Variants in FAM107B observed in about 807,000 individuals in gnomAD.
FAM107B encodes the protein protein FAM107B.
FAM107B carries 21 observed loss-of-function variants against 31.5 expected under a neutral mutation model. That is an observed-to-expected ratio of 0.67 (90% CI 0.47 to 0.96). FAM107B has a LOEUF of 0.96. Ranked by LOEUF, FAM107B falls within the 40% of genes least tolerant of loss-of-function variation. The pLI, the probability that FAM107B is intolerant of heterozygous loss-of-function variation, is 0.00. For synonymous variants in FAM107B, 157 were observed against 141.5 expected, an observed-to-expected ratio of 1.11 and a Z score of -0.78; for missense variants, 452 against 377.1, an observed-to-expected ratio of 1.20 and a Z score of -1.64.
At chr10:14,607,794 A>G (rs1852630721) in intron 2 of FAM107B, among the ~76,000 whole-genome samples, 1 of 152,212 alleles carries the variant, frequency 6.6e-6, no homozygotes, top group Non-Finnish European at 1.5e-5. Flanking sequence ...CCCTTACATT[A>G]CAAAGGGAAC....
chr10:14,618,657 C>T (rs1033963000), intron 2 of FAM107B, among the ~76,000 whole-genome samples: 3 of 151,810 alleles, frequency 2.0e-5, no homozygotes, highest in South Asian at 2.1e-4. Context: ...GCCAACATAG[C>T]GAAATCCCGT....
intron 2 of FAM107B, chr10:14,572,274 T>C (rs986857644): frequency 6.1e-6 from 6 of 985,302 alleles, no homozygotes; most frequent in African/African-American, 5.2e-5. Context: ...GAAATGTACT[T>C]GTCTGTACAA....
At chr10:14,589,923 A>C (rs1851961766) in intron 2 of FAM107B, among the ~76,000 whole-genome samples, 2 of 152,206 alleles carry the variant, frequency 1.3e-5, no homozygotes, top group African/African-American at 4.8e-5. Context: ...ATGCCTCAAC[A>C]TCCTCCTCAG....
chr10:14,737,800 C>CTCTCTCTCTCTCTCTCTCTCTCAAT, intron 1 of FAM107B, among the ~76,000 whole-genome samples: 1 of 149,100 alleles, frequency 6.7e-6, no homozygotes, highest in South Asian at 2.1e-4. Flanking sequence ...CTCTCTCTCT[C>CTCTCTCTCTCTCTCTCTCTCTCAAT]CTTCGTTGGC....
chr10:14,744,132 T>C (rs981721874), intron 1 of FAM107B, among the ~76,000 whole-genome samples: 2 of 152,208 alleles, frequency 1.3e-5, no homozygotes, highest in Non-Finnish European at 2.9e-5. Flanking sequence ...AGTTCATTCA[T>C]GATTTGGCTC....
chr10:14,770,519 C>A (rs1016230638), intron 1 of FAM107B, among the ~76,000 whole-genome samples: 9 of 151,696 alleles, frequency 5.9e-5, no homozygotes, highest in African/African-American at 1.9e-4. Flanking sequence ...CAAGACTCTG[C>A]CTCAAAAAAA....
chr10:14,657,645 A>G (rs1854099002), intron 2 of FAM107B, among the ~76,000 whole-genome samples: 1 of 152,120 alleles, frequency 6.6e-6, no homozygotes, highest in African/African-American at 2.4e-5. Context: ...TAATAATGCA[A>G]GATTTATAAA....
intron 2 of FAM107B, among the ~76,000 whole-genome samples, chr10:14,665,853 A>T (rs1344720739): frequency 6.6e-6 from 1 of 152,144 alleles, no homozygotes; most frequent in Non-Finnish European, 1.5e-5. Context: ...TCTTCACATG[A>T]TTTCTCATAT....
chr10:14,611,086 G>C (rs1456367354), intron 2 of FAM107B, among the ~76,000 whole-genome samples: 3 of 152,096 alleles, frequency 2.0e-5, no homozygotes, highest in Non-Finnish European at 4.4e-5. Flanking sequence ...GCAAAGATCT[G>C]CATTTTACGT....
At chr10:14,710,190 A>C (rs1318789306) in intron 1 of FAM107B, among the ~76,000 whole-genome samples, 1 of 152,156 alleles carries the variant, frequency 6.6e-6, no homozygotes, top group Non-Finnish European at 1.5e-5. Context: ...GGAACTCTCT[A>C]CTTTCTGCTA....
intron 2 of FAM107B, among the ~76,000 whole-genome samples, chr10:14,538,587 C>T (rs1056342695): frequency 1.3e-5 from 2 of 152,282 alleles, no homozygotes; most frequent in South Asian, 4.1e-4. Flanking sequence ...AATGGGGCTT[C>T]CAGGGTCTGG....
chr10:14,569,924 T>A (rs754732129), intron 2 of FAM107B, among the ~76,000 whole-genome samples: 29 of 151,518 alleles, frequency 1.9e-4, no homozygotes, highest in Non-Finnish European at 2.9e-4. Flanking sequence ...AGCCCAGAGG[T>A]TCCCGGAAAC....
At chr10:14,628,122 T>TTTTTTTTGTTTTTTTTG (rs1853220057) in intron 2 of FAM107B, among the ~76,000 whole-genome samples, 1 of 99,154 alleles carries the variant, frequency 1.0e-5, no homozygotes, top group African/African-American at 3.3e-5. Context: ...GTTTTTTTTT[T>TTTTTTTTGTTTTTTTTG]TTTTTTTTTT....
chr10:14,676,540 A>G (rs1210411020), intron 1 of FAM107B, among the ~76,000 whole-genome samples: 1 of 152,238 alleles, frequency 6.6e-6, no homozygotes, highest in Non-Finnish European at 1.5e-5. Flanking sequence ...ATAGTAATAC[A>G]TCCCACAATA....
intron 2 of FAM107B, among the ~76,000 whole-genome samples, chr10:14,630,122 G>C (rs7919114): frequency 3.3e-5 from 5 of 152,098 alleles, no homozygotes; most frequent in Middle Eastern, 3.4e-3. Context: ...TCCATACTTA[G>C]ATCTCGGGGC....
At position 14,543,691 on chromosome 10, in the gene FAM107B, T is replaced by A. The variant is rs200778112; in HGVS notation, c.470-13176A>T. Among the ~76,000 whole-genome samples, 313 of 138,810 alleles carry A rather than the reference T, an allele frequency of 2.3e-3. 1 individual carries two copies. The highest frequency in any genetic ancestry group is 7.2e-3 in the African/African-American group (267 of 37,042). The allele number at this position is 138,810 out of a possible 152,430, so 91.1% of individuals were successfully genotyped here. A position where few individuals can be genotyped will look rare whatever the true frequency, so the allele number is the denominator to read the frequency against. On this transcript the variant is annotated intron_variant, in intron 2 of 4. Transcript: ENST00000181796. ...GTTCACTATCTGATCCTAAAAACTTTAAAAAAAAAAAAAAAAAACCAAAAA... is the reference window on the plus strand; with the variant it reads ...GTTCACTATCTGATCCTAAAAACTTAAAAAAAAAAAAAAAAAAACCAAAAA...
intron 2 of FAM107B, among the ~76,000 whole-genome samples, chr10:14,533,175 T>TGCAG (rs1186928567): frequency 6.6e-6 from 1 of 152,152 alleles, no homozygotes; most frequent in East Asian, 1.9e-4. Flanking sequence ...TAGAACGGGC[T>TGCAG]GCAGGCAGGC....
chr10:14,577,336 G>A (rs2131293506), intron 2 of FAM107B, among the ~76,000 whole-genome samples: 1 of 152,284 alleles, frequency 6.6e-6, no homozygotes, highest in African/African-American at 2.4e-5. Flanking sequence ...AATGGAGAAA[G>A]AATCATGTTC....
chr10:14,596,816 C>G (rs1468935353), intron 2 of FAM107B, among the ~76,000 whole-genome samples: 3 of 152,174 alleles, frequency 2.0e-5, no homozygotes, highest in East Asian at 1.9e-4. Context: ...GGCCCACATG[C>G]TGTTCCAATT....
Sources: allele counts gnomAD v4.1 joint callset (sites outside exome capture counted in the v4.1 genomes callset), GRCh38; gene constraint gnomAD v4.1.1; transcripts MANE v1.5; gene names NCBI Gene and HGNC (gene_info 2026-07-23, HGNC 2026-07-21).